The following TNRC6A variants were observed in gnomAD, a reference collection of about 807,000 sequenced individuals.
TNRC6A encodes trinucleotide repeat-containing gene 6A protein.
In TNRC6A, 44 loss-of-function variants were observed where a neutral mutation model predicts 221.2. The observed-to-expected ratio is 0.20, with a 90% confidence interval of 0.16 to 0.26. TNRC6A has a LOEUF of 0.26. TNRC6A is among the 10% of genes least tolerant of loss of function. TNRC6A has a pLI of 1.00. For missense variants in TNRC6A, 2,199 were observed against 2,404.4 expected (o/e 0.91, Z 1.79); for synonymous variants, 847 against 838.5 (o/e 1.01, Z -0.18).
At chr16:24,612,511 C>T (rs145586401) in intron 1 of TNRC6A, among the ~76,000 whole-genome samples, 1 of 151,884 alleles carries the variant, frequency 6.6e-6, no homozygotes, top group Non-Finnish European at 1.5e-5. Flanking sequence ...CTTTGTGGGG[C>T]CTAGGCGGCT....
chr16:24,722,893 T>C (rs2056434556), intron 2 of TNRC6A, among the ~76,000 whole-genome samples: 1 of 152,106 alleles, frequency 6.6e-6, no homozygotes, highest in South Asian at 2.1e-4. Context: ...GAGTTGCTTA[T>C]ACATTGCATG....
chr16:24,794,802 A>G (rs556967784), intron 8 of TNRC6A, 83 bp downstream of exon 8: 15 of 1,393,626 alleles, frequency 1.1e-5, no homozygotes, highest in East Asian at 2.5e-5. Context: ...TCGCCTGCCC[A>G]TTTCTGGCGG....
At chr16:24,664,997 G>A (rs746748605) in intron 2 of TNRC6A, 6 of 456,200 alleles carry the variant, frequency 1.3e-5, no homozygotes, top group African/African-American at 1.2e-4. Context: ...TAACATCAGA[G>A]GGGCAGGATT....
chr16:24,704,664 C>CAAAAA (rs58926085), intron 2 of TNRC6A, among the ~76,000 whole-genome samples: 2,727 of 69,142 alleles, frequency 0.039, 150 homozygotes, highest in Non-Finnish European at 0.056. Context: ...GACTCCGTCT[C>CAAAAA]AAAAAAAAAA....
In TNRC6A at chr16:24,806,382, A is replaced by G. The variant is rs559079891; in HGVS notation, c.4329+99A>G. 4.3e-5 allele frequency: 64 copies of G among 1,484,348 alleles called. 3 individuals are homozygous for G. The Admixed American group carries it at 7.0e-4, about 16-fold the overall frequency. 91.9% of individuals were successfully genotyped at this position (1,484,348 alleles called of 1,614,324 possible). On this transcript the variant is annotated intron_variant, in intron 16 of 24. Transcript: ENST00000395799. ...ATTCAGAAATGTCTTTCTTAAAACA[A>G]TCTTACTAAGATGTAATGCAGTATG... is the stretch of plus-strand genomic sequence containing the variant.
rs376171626 is a variant in TNRC6A at position 24,815,295 on chromosome 16, T to C, written c.4821T>C (p.Asn1607=). ...AKSPNGSSSV[N]WPPEFRPGEP... ...CGCCTAACGGCTCTAGCAGTGTTAATTGGCCACCAGGTAAAATTTTTTCTA... is the reference window on the plus strand; with the variant it reads ...CGCCTAACGGCTCTAGCAGTGTTAACTGGCCACCAGGTAAAATTTTTTCTA... The change falls in exon 19 of 25, where the codon AAT becomes AAC. Residue 1607 remains asparagine (N), a synonymous_variant. Transcript: ENST00000395799. The C allele has an allele frequency of 3.7e-6, 6 of 1,614,230 alleles. No homozygotes were observed. The highest frequency in any genetic ancestry group is 2.2e-5 in the South Asian group (2 of 91,088).
At position 24,815,221 on chromosome 16, in the gene TNRC6A, C is replaced by T. The variant is rs367851495; in HGVS notation, c.4747C>T (p.Pro1583Ser). Residue 1583 changes from proline (P) to serine (S), a missense_variant, in exon 19 of 25, where the codon CCA (proline) becomes TCA (serine). Pro to Ser is a moderately conservative substitution (Grantham distance 74). Coordinates refer to ENST00000395799, the MANE Select transcript of TNRC6A (RefSeq NM_014494.4). ...PYDFMNSSTS[P>S]ASPPGSIGDG... ...TGACTTTATGAACAGCAGTACTTCA[C>T]CAGCCAGTCCTCCAGGTTCAATAGG... The T allele has an allele frequency of 1.5e-5, 24 of 1,614,114 alleles. No homozygotes were observed. The African/African-American group carries it at 2.8e-4, about 19-fold the overall frequency.
At chr16:24,822,213 C>T in intron 23 of TNRC6A, 66 bp downstream of exon 23, 2 of 1,524,580 alleles carry the variant, frequency 1.3e-6, no homozygotes, top group Non-Finnish European at 1.8e-6. Flanking sequence ...AGGTTCGGGT[C>T]TGTATGTGAG....
chr16:24,681,731 T>C (rs980503055), intron 2 of TNRC6A, among the ~76,000 whole-genome samples: 2 of 152,200 alleles, frequency 1.3e-5, no homozygotes, highest in Admixed American at 1.3e-4. Context: ...GCTAGAACAG[T>C]GCTTGATGCT....
In TNRC6A at chr16:24,790,334, A is replaced by C; in HGVS notation, c.1692A>C (p.Gln564His). Residue 564 changes from glutamine (Q) to histidine (H), a missense_variant, in exon 6 of 25, where the codon CAA becomes CAC. Transcript: ENST00000395799. ...ATGGTCCTATGGGCACTAACTTTCA[A>C]GTTAACACAAACAAAGGAGGTGGTG... ...GVNGPMGTNF[Q>H]VNTNKGGGVW... The C allele has an allele frequency of 6.2e-7, 1 of 1,614,252 alleles. No individual in the cohort carries two copies. Among genetic ancestry groups the C allele is most frequent in the Admixed American group, 1.7e-5 (1 of 60,032 alleles).
intron 2 of TNRC6A, among the ~76,000 whole-genome samples, chr16:24,688,820 G>C (rs1006874628): frequency 7.2e-5 from 11 of 152,176 alleles, no homozygotes; most frequent in Admixed American, 2.6e-4. Context: ...GGTCAAATCA[G>C]ACTTGAACTC....
In TNRC6A at chr16:24,776,702, C is replaced by T. The variant is rs934331502; in HGVS notation, c.164-231C>T. ...AGTGAACATGAGTTGTTGTCTTGGC[C>T]GAAGGTCCCTGGGCCCTTATTGGGT... On this transcript the variant is annotated intron_variant, in intron 4 of 24. Coordinates refer to ENST00000395799, the MANE Select transcript of TNRC6A (RefSeq NM_014494.4). The T allele has an allele frequency of 2.1e-5, 21 of 985,218 alleles. No individual in the cohort carries two copies. The South Asian group carries it at 2.3e-4, about 11-fold the overall frequency. 61.0% of individuals were successfully genotyped at this position (985,218 alleles called of 1,614,324 possible).
chr16:24,804,640 A>C, intron 12 of TNRC6A, 65 bp from the exon 13 acceptor site: 1 of 1,526,724 alleles, frequency 6.5e-7, no homozygotes, highest in Non-Finnish European at 8.7e-7. Context: ...CTGTTCCTGC[A>C]ATGATTTCTC....
At chr16:24,758,005 G>A (rs2057287891) in intron 3 of TNRC6A, among the ~76,000 whole-genome samples, 1 of 152,174 alleles carries the variant, frequency 6.6e-6, no homozygotes, top group Non-Finnish European at 1.5e-5. Context: ...AAAGGTGACA[G>A]TTTGTATAAA....
intron 2 of TNRC6A, among the ~76,000 whole-genome samples, chr16:24,745,902 C>G (rs1215011819): frequency 6.6e-6 from 1 of 151,172 alleles, no homozygotes; most frequent in Non-Finnish European, 1.5e-5. Context: ...TACACATTCA[C>G]TTAGATTTTC....
intron 5 of TNRC6A, 38 bp from the exon 6 acceptor site, chr16:24,789,194 A>G (rs367792051): frequency 6.2e-5 from 94 of 1,522,618 alleles, no homozygotes; most frequent in Non-Finnish European, 7.8e-5. Context: ...GAAATGGCCT[A>G]ACACTTTATA....
At position 24,729,773 on chromosome 16, in the gene TNRC6A, G is replaced by A. The variant is rs2056576466; in HGVS notation, c.-69G>A. 2 of 1,381,896 alleles carry A rather than the reference G, an allele frequency of 1.4e-6. No homozygotes were observed. Among genetic ancestry groups the A allele is most frequent in the Admixed American group, 3.1e-5 (1 of 32,708 alleles). The allele number at this position is 1,381,896 out of a possible 1,614,324, so 85.6% of individuals were successfully genotyped here. A position where few individuals can be genotyped will look rare whatever the true frequency, so the allele number is the denominator to read the frequency against. ...GCAGCGGCTCGGGCCTCTCCCCGCG[G>A]CGCTGCGGAGGGCTTGAGGCTCGCG... On this transcript the variant is annotated 5_prime_UTR_variant, in exon 1 of 25. Transcript: ENST00000395799.
At chr16:24,620,867 C>T (rs958235959) in intron 1 of TNRC6A, among the ~76,000 whole-genome samples, 3 of 151,534 alleles carry the variant, frequency 2.0e-5, no homozygotes, top group Admixed American at 6.6e-5. Context: ...GGGTGGATCA[C>T]GATGTCAAGA....
At chr16:24,625,737 C>CAAAAAAAAAAAAAA (rs749882396) in intron 1 of TNRC6A, among the ~76,000 whole-genome samples, 1 of 24,028 alleles carries the variant, frequency 4.2e-5, no homozygotes, top group Non-Finnish European at 8.4e-5. Context: ...CGTCTCAAAA[C>CAAAAAAAAAAAAAA]AAAAAAAAAA....
Sources: gnomAD v4.1 joint callset for allele counts (sites outside exome capture counted in the v4.1 genomes callset) on GRCh38, gnomAD v4.1.1 for gene constraint, MANE v1.5 for transcripts, NCBI Gene and HGNC (gene_info 2026-07-23, HGNC 2026-07-21) for gene names.